SPTBN4: variants seen among roughly 807,000 people sequenced by gnomAD.
SPTBN4 encodes spectrin beta chain, non-erythrocytic 4.
In SPTBN4, 96 loss-of-function variants were observed where a neutral mutation model predicts 277.8. That is an observed-to-expected ratio of 0.35 (90% confidence interval 0.29 to 0.41). The LOEUF is 0.41. Among genes scored for constraint, SPTBN4 ranks in the 10% least tolerant of loss-of-function variants. SPTBN4 has a pLI of 1.00. For missense variants in SPTBN4, 3,006 were observed against 3,595.7 expected (o/e 0.84, Z 4.19); for synonymous variants, 1,481 against 1,580.3 (o/e 0.94, Z 1.49).
rs1210396504 is a variant in SPTBN4, at chr19:40,560,469, C to A, written c.5915+66C>A. 6.2e-7 allele frequency: 1 copy of A among 1,609,338 alleles called. No homozygotes were observed. Among genetic ancestry groups the A allele is most frequent in the Non-Finnish European group, 8.5e-7 (1 of 1,177,214 alleles). Reference sequence around the variant, plus strand: ...TGGCCTACCCCAGCCACCCCCAGCCCATTGACAGCCCCCTTCTCAATGGAA... The same window carrying A: ...TGGCCTACCCCAGCCACCCCCAGCCAATTGACAGCCCCCTTCTCAATGGAA... On this transcript the variant is annotated intron_variant, in intron 27 of 35. Transcript: ENST00000598249. This position sits in a 1 kb window ranked among gnomAD's most constrained non-coding sequence, Gnocchi z 5.2.
chr19:40,529,414 C>T (rs112098210), intron 18 of SPTBN4, among the ~76,000 whole-genome samples: 6,012 of 152,304 alleles, frequency 0.039, 217 homozygotes, highest in African/African-American at 0.092. Flanking sequence ...CTGATCTCAC[C>T]TTTCTCTCCT....
intron 2 of SPTBN4, among the ~76,000 whole-genome samples, chr19:40,487,264 A>T (rs1599720640): frequency 1.4e-5 from 2 of 146,524 alleles, no homozygotes; most frequent in South Asian, 4.3e-4. Flanking sequence ...CTGGTCTTGA[A>T]CTCCTGACTT....
intron 18 of SPTBN4, chr19:40,530,475 G>C: frequency 4.1e-6 from 4 of 978,476 alleles, no homozygotes; most frequent in Non-Finnish European, 4.8e-6. Flanking sequence ...GAGGGAGGGG[G>C]CGCGCGGCCG....
At chr19:40,535,452 G>A (rs111669685) in intron 20 of SPTBN4, among the ~76,000 whole-genome samples, 5 of 151,866 alleles carry the variant, frequency 3.3e-5, no homozygotes, top group African/African-American at 1.2e-4. Context: ...TACTTGTCCA[G>A]AGTAGCAAAT....
chr19:40,492,996 A>G lies in SPTBN4; in HGVS notation c.529A>G (p.Arg177Gly), dbSNP rs1238771223. The change falls in exon 5 of 36, where the codon AGA becomes GGA. Residue 177 changes from arginine (R) to glycine (G), a missense_variant. Arg to Gly is a moderately radical substitution (Grantham distance 125). Around this residue, in one of 5 missense-constraint regions of SPTBN4, gnomAD observed 114 missense variants for 196.1 expected, o/e 0.58. Transcript: ENST00000598249. The stretch of plus-strand genomic sequence containing the variant: ...CATCAAAATTGAGACTGAGGACAAC[A>G]GAGAGACACGCTCAGCCAAGGATGC... ...QVIKIETEDN[R>G]ETRSAKDALL... 6.2e-7 allele frequency: 1 copy of G among 1,613,980 alleles called. No individual in the cohort carries two copies. Among genetic ancestry groups the G allele is most frequent in the Non-Finnish European group, 8.5e-7 (1 of 1,179,978 alleles).
intron 3 of SPTBN4, among the ~76,000 whole-genome samples, chr19:40,489,228 A>G (rs7245464): frequency 2.6e-4 from 37 of 141,678 alleles, no homozygotes; most frequent in Admixed American, 1.6e-3. Flanking sequence ...AAAAAAAAAA[A>G]AAAGAAAGAA....
At chr19:40,558,973 C>T (rs1036492171) in intron 26 of SPTBN4, among the ~76,000 whole-genome samples, 1 of 149,806 alleles carries the variant, frequency 6.7e-6, no homozygotes, top group African/African-American at 2.5e-5. Flanking sequence ...TCTTTGTCAC[C>T]CAGGCTGGAG....
intron 22 of SPTBN4, among the ~76,000 whole-genome samples, chr19:40,553,309 G>A (rs901422106): frequency 2.0e-5 from 3 of 152,134 alleles, no homozygotes; most frequent in African/African-American, 4.8e-5. Context: ...GCAAGACCTC[G>A]TCTCTCCAAA....
At chr19:40,570,928 C>T (rs1406932350) in intron 33 of SPTBN4, 200 bp downstream of exon 33, 1 of 543,440 alleles carries the variant, frequency 1.8e-6, no homozygotes, top group Admixed American at 4.1e-5. Context: ...TGTGGTTTAA[C>T]GTCAGGCCCT....
chr19:40,489,416 C>T (rs1429888846), intron 3 of SPTBN4, among the ~76,000 whole-genome samples: 26 of 151,804 alleles, frequency 1.7e-4, no homozygotes, highest in Non-Finnish European at 2.9e-5. Context: ...AACGAAGTCT[C>T]GCTCCCTCAC....
intron 7 of SPTBN4, among the ~76,000 whole-genome samples, chr19:40,499,535 G>A (rs1055753014): frequency 5.9e-5 from 9 of 151,670 alleles, no homozygotes; most frequent in East Asian, 3.9e-4. Flanking sequence ...GGCTATAGGC[G>A]TGCACGACCA....
rs141657691 is a variant in SPTBN4, at chr19:40,556,127, G to A, written c.5128G>A (p.Val1710Met). 10 of 1,612,640 alleles carry A rather than the reference G, an allele frequency of 6.2e-6. No individual in the cohort carries two copies. Among genetic ancestry groups the A allele is most frequent in the Middle Eastern group, 2.0e-4 (1 of 5,088 alleles). Residue 1710 changes from valine (V) to methionine (M), a missense_variant, in exon 25 of 36, where the codon GTG (valine) becomes ATG (methionine). Val to Met is a conservative substitution (Grantham distance 21). This residue lies in a region of SPTBN4 where 425 missense variants were observed against 594.7 expected (regional missense o/e 0.71). Coordinates refer to ENST00000598249, the MANE Select transcript of SPTBN4 (RefSeq NM_020971.3). ...GCAGTCTCAGGTGGACCGCCTGTAC[G>A]TGGCGCTCAAGGAGCTGGGTGAGGA... ...RRQSQVDRLY[V>M]ALKELGEERR...
chr19:40,518,938 A>G (rs1488356002), intron 15 of SPTBN4, among the ~76,000 whole-genome samples: 1 of 152,080 alleles, frequency 6.6e-6, no homozygotes, highest in African/African-American at 2.4e-5. Flanking sequence ...TAAATATCTA[A>G]CGTGTTAATA....
chr19:40,499,195 A>ATTTTT (rs59982692), intron 7 of SPTBN4, among the ~76,000 whole-genome samples: 2 of 139,010 alleles, frequency 1.4e-5, no homozygotes, highest in Non-Finnish European at 1.5e-5. Context: ...AGCCTGGCTA[A>ATTTTT]TTTTTTTTTT....
Position 40,502,097 on chromosome 19 carries a change from G to A in SPTBN4, c.898-31G>A. The A allele has an allele frequency of 6.2e-7, 1 of 1,613,392 alleles. No homozygotes were observed. On this transcript the variant is annotated intron_variant, in intron 8 of 35. Coordinates refer to ENST00000598249, the MANE Select transcript of SPTBN4 (RefSeq NM_020971.3). The surrounding 1 kb of genome is among the most constrained non-coding windows in gnomAD (Gnocchi z 4.9). ...AGCTGGTGGCAGGCACGGGTGGGAT[G>A]AGGCTGACCCCCCTTCCTCTGCTGT...
Position 40,557,837 on chromosome 19 carries a change from G to A in SPTBN4, c.5670+434G>A, listed in dbSNP as rs1043575578. 4.8e-5 allele frequency among the ~76,000 whole-genome samples: 7 copies of A among 146,670 alleles called. No homozygotes were observed. The Admixed American group carries it at 4.9e-4, about 10-fold the overall frequency. On this transcript the variant is annotated intron_variant, in intron 26 of 35. Coordinates refer to ENST00000598249, the MANE Select transcript of SPTBN4 (RefSeq NM_020971.3). ...GGAGGCTGAGGCAGGAGAATCACTT[G>A]AACCCGGGAGGAGGAGGTTGCAGTG...
chr19:40,567,653 C>A lies in SPTBN4; in HGVS notation c.6337-10C>A. The A allele has an allele frequency of 6.6e-7, 1 of 1,504,500 alleles. No homozygotes were observed. The highest frequency in any genetic ancestry group is 1.3e-5 in the South Asian group (1 of 78,452). 93.2% of individuals were successfully genotyped at this position (1,504,500 alleles called of 1,614,324 possible). On this transcript the variant is annotated splice_polypyrimidine_tract_variant and intron_variant, in intron 30 of 35. Transcript: ENST00000598249. ...CGCCTCCAACCTAACCCTGGTCCCT[C>A]CATCCTCAGATCGAGAAAATCAAAG... is the stretch of plus-strand genomic sequence containing the variant.
chr19:40,557,483 G>A (rs2080994961), intron 26 of SPTBN4, 80 bp downstream of exon 26: 1 of 1,474,122 alleles, frequency 6.8e-7, no homozygotes, highest in Non-Finnish European at 9.0e-7. Flanking sequence ...ATCAGGCTGT[G>A]GAGCAGGTCG....
intron 1 of SPTBN4, among the ~76,000 whole-genome samples, chr19:40,471,844 T>G (rs2079887160): frequency 6.6e-6 from 1 of 151,102 alleles, no homozygotes; most frequent in Non-Finnish European, 1.5e-5. Flanking sequence ...GCTCAAGCCA[T>G]CCTCACACCT....
Sources: gnomAD v4.1 joint callset for allele counts (sites outside exome capture counted in the v4.1 genomes callset) on GRCh38, gnomAD v4.1.1 for gene constraint, gnomAD v4.1.1 regional missense constraint, Gnocchi (gnomAD v3.1) non-coding constraint, MANE v1.5 for transcripts, NCBI Gene and HGNC (gene_info 2026-07-23, HGNC 2026-07-21) for gene names.